SGCZ: variants seen among roughly 807,000 people sequenced by gnomAD.
The protein encoded by SGCZ is zeta-sarcoglycan.
SGCZ carries 40 observed loss-of-function variants against 41.3 expected under a neutral mutation model. The observed-to-expected ratio is 0.97, with a 90% confidence interval of 0.75 to 1.26. The LOEUF (loss-of-function observed/expected upper bound fraction) is 1.26. Among genes scored for constraint, SGCZ ranks in the 50% most tolerant of loss-of-function variants. The pLI, the probability that SGCZ is intolerant of heterozygous loss-of-function variation, is 0.00. For synonymous variants in SGCZ, 206 were observed against 137.5 expected (o/e 1.50, Z -3.49); for missense variants, 552 against 369.8 (o/e 1.49, Z -4.04).
At chr8:14,604,037 A>G (rs1563146359) in intron 1 of SGCZ, among the ~76,000 whole-genome samples, 1 of 152,152 alleles carries the variant, frequency 6.6e-6, no homozygotes, top group Non-Finnish European at 1.5e-5. Context: ...TCCCAACTAA[A>G]GCTCAACAAT....
At chr8:14,209,210 C>T (rs1805716211) in intron 4 of SGCZ, among the ~76,000 whole-genome samples, 1 of 152,206 alleles carries the variant, frequency 6.6e-6, no homozygotes, top group Non-Finnish European at 1.5e-5. Context: ...TCCAACCAAT[C>T]TGTGGACTCC....
chr8:15,134,905 C>A (rs1252502405), intron 1 of SGCZ, among the ~76,000 whole-genome samples: 1 of 152,070 alleles, frequency 6.6e-6, no homozygotes, highest in East Asian at 1.9e-4. Flanking sequence ...AAACAGTTTG[C>A]TTTCAACATC....
chr8:14,630,052 T>G (rs1385109181), intron 1 of SGCZ, among the ~76,000 whole-genome samples: 3 of 152,076 alleles, frequency 2.0e-5, no homozygotes, highest in Admixed American at 2.0e-4. Flanking sequence ...AAAAAATGTC[T>G]TTTCCCCATT....
intron 1 of SGCZ, among the ~76,000 whole-genome samples, chr8:14,719,584 T>G (rs1482712047): frequency 2.6e-5 from 4 of 152,106 alleles, no homozygotes; most frequent in Non-Finnish European, 2.9e-5. Context: ...TGGTTTTGAT[T>G]TGCATTTCCC....
At chr8:14,161,828 G>C (rs1804055092) in intron 5 of SGCZ, among the ~76,000 whole-genome samples, 1 of 152,078 alleles carries the variant, frequency 6.6e-6, no homozygotes, top group African/African-American at 2.4e-5. Flanking sequence ...GAGAGAGCCA[G>C]TGTGAAACAC....
At chr8:14,411,014 C>T (rs745317971) in intron 2 of SGCZ, among the ~76,000 whole-genome samples, 28 of 152,062 alleles carry the variant, frequency 1.8e-4, no homozygotes, top group Admixed American at 1.0e-3. Flanking sequence ...TTCTTGTGCT[C>T]TTTGAAACAA....
chr8:14,673,897 A>G (rs1808188806), intron 1 of SGCZ, among the ~76,000 whole-genome samples: 1 of 152,158 alleles, frequency 6.6e-6, no homozygotes, highest in Admixed American at 6.5e-5. Flanking sequence ...TATACACAAT[A>G]TATTCATTTT....
chr8:15,034,258 C>A (rs1003232823), intron 1 of SGCZ, among the ~76,000 whole-genome samples: 5 of 151,826 alleles, frequency 3.3e-5, no homozygotes, highest in Non-Finnish European at 7.4e-5. Context: ...ATAAATTTAG[C>A]AGAGATATAA....
intron 1 of SGCZ, among the ~76,000 whole-genome samples, chr8:15,035,972 A>G (rs929624606): frequency 2.2e-4 from 34 of 152,058 alleles, no homozygotes; most frequent in African/African-American, 8.0e-4. Flanking sequence ...TAGCCCAAAG[A>G]TAGTATAAGA....
chr8:14,116,718 C>T lies in SGCZ; in HGVS notation c.548-8483G>A, dbSNP rs951348526. On this transcript the variant is annotated intron_variant, in intron 5 of 7. Coordinates refer to ENST00000382080, the MANE Select transcript of SGCZ (RefSeq NM_139167.4). ...CACTTGCCATGTAATTCATGTATAC[C>T]GATAGGTAAATTTTAGAAAGCTCCA... Among the ~76,000 whole-genome samples, 3 of 151,902 alleles carry T rather than the reference C, an allele frequency of 2.0e-5. No homozygotes were observed. In the East Asian group the frequency reaches 5.8e-4, roughly 29 times the overall value.
intron 2 of SGCZ, among the ~76,000 whole-genome samples, chr8:14,491,870 C>CAA (rs1563364625): frequency 2.0e-5 from 3 of 151,966 alleles, no homozygotes; most frequent in Admixed American, 1.3e-4. Flanking sequence ...AATGAGTTCT[C>CAA]AAAAATATGT....
At chr8:14,516,864 A>G (rs1260102729) in intron 2 of SGCZ, among the ~76,000 whole-genome samples, 1 of 152,094 alleles carries the variant, frequency 6.6e-6, no homozygotes, top group Non-Finnish European at 1.5e-5. Context: ...TTGATTATTG[A>G]TAACTATTTT....
chr8:14,328,727 T>C (rs994956456), intron 2 of SGCZ, among the ~76,000 whole-genome samples: 16 of 152,338 alleles, frequency 1.1e-4, no homozygotes, highest in African/African-American at 2.9e-4. Flanking sequence ...GGTTCAAATG[T>C]GTCCCCTCTA....
intron 1 of SGCZ, among the ~76,000 whole-genome samples, chr8:15,010,676 A>G (rs536977763): frequency 2.6e-5 from 4 of 152,320 alleles, no homozygotes; most frequent in Admixed American, 1.3e-4. Context: ...ACAGGAAGCC[A>G]GATGAAGAAA....
intron 1 of SGCZ, among the ~76,000 whole-genome samples, chr8:14,592,110 T>C (rs893151902): frequency 1.3e-5 from 2 of 152,200 alleles, no homozygotes; most frequent in African/African-American, 2.4e-5. Context: ...AATTTTGCTT[T>C]TCCCACTTGT....
intron 5 of SGCZ, among the ~76,000 whole-genome samples, chr8:14,120,640 A>G (rs550380140): frequency 2.6e-4 from 40 of 152,224 alleles, no homozygotes; most frequent in Non-Finnish European, 3.7e-4. Context: ...ATGGTTTTCT[A>G]TAGAAAAAAA....
intron 1 of SGCZ, among the ~76,000 whole-genome samples, chr8:14,687,184 AT>A (rs1808639156): frequency 6.8e-6 from 1 of 147,284 alleles, no homozygotes; most frequent in African/African-American, 2.5e-5. Context: ...ATATATATAT[AT>A]ATATATTTTA....
chr8:15,042,841 C>T (rs1804157459), intron 1 of SGCZ, among the ~76,000 whole-genome samples: 1 of 152,126 alleles, frequency 6.6e-6, no homozygotes, highest in Admixed American at 6.5e-5. Flanking sequence ...CCCAGGCTTC[C>T]CACTTGCAGA....
chr8:14,691,217 T>A (rs1808788568), intron 1 of SGCZ, among the ~76,000 whole-genome samples: 1 of 152,190 alleles, frequency 6.6e-6, no homozygotes, highest in South Asian at 2.1e-4. Flanking sequence ...GCACTCACTA[T>A]TTGGTGAATG....
Sources: allele counts gnomAD v4.1 joint callset (sites outside exome capture counted in the v4.1 genomes callset), GRCh38; gene constraint gnomAD v4.1.1; transcripts MANE v1.5; gene names NCBI Gene and HGNC (gene_info 2026-07-23, HGNC 2026-07-21).